AGPS: variants seen among roughly 807,000 people sequenced by gnomAD.
AGPS encodes alkylglycerone phosphate synthase.
AGPS carries 26 observed loss-of-function variants against 90.7 expected under a neutral mutation model. The ratio of observed to expected loss-of-function variants is 0.29; its 90% CI spans 0.21 to 0.40. The LOEUF is 0.40. AGPS is among the 10% of genes least tolerant of loss of function. The pLI is 1.00. For missense variants in AGPS, 540 were observed against 816.1 expected (o/e 0.66, Z 4.12); for synonymous variants, 294 against 285.3 (o/e 1.03, Z -0.31).
chr2:177,523,609 C>T, intron 18 of AGPS, 139 bp from the exon 19 acceptor site: 1 of 732,100 alleles, frequency 1.4e-6, no homozygotes, highest in South Asian at 1.6e-5. Flanking sequence ...ACACATTTGA[C>T]CAAAAGAGAG....
chr2:177,465,876 T>C (rs2084967), intron 9 of AGPS, among the ~76,000 whole-genome samples: 133,056 of 152,324 alleles, frequency 0.87, 58,252 homozygotes, highest in East Asian at 0.98. Context: ...AAACAAGGGG[T>C]GTGTTTCAGC....
At chr2:177,516,178 A>G (rs942456934) in intron 17 of AGPS, among the ~76,000 whole-genome samples, 1 of 152,156 alleles carries the variant, frequency 6.6e-6, no homozygotes, top group African/African-American at 2.4e-5. Context: ...TTATGGATCT[A>G]TTTAAAATCA....
intron 19 of AGPS, among the ~76,000 whole-genome samples, chr2:177,528,849 CTTTTTTTTTTTTT>C (rs71008000): frequency 9.7e-4 from 77 of 79,160 alleles, no homozygotes; most frequent in Non-Finnish European, 1.5e-3. Flanking sequence ...CATATTAATC[CTTTTTTTTTTTTT>C]TTTTTTTTTT....
At chr2:177,435,666 A>G (rs1237205261) in intron 3 of AGPS, among the ~76,000 whole-genome samples, 1 of 152,202 alleles carries the variant, frequency 6.6e-6, no homozygotes, top group Non-Finnish European at 1.5e-5. Flanking sequence ...ATTATGCAGT[A>G]TCTTAATAAG....
intron 17 of AGPS, among the ~76,000 whole-genome samples, chr2:177,517,468 T>G (rs1164631201): frequency 6.6e-6 from 1 of 152,146 alleles, no homozygotes; most frequent in Non-Finnish European, 1.5e-5. Context: ...AGTTTTTAAT[T>G]CTCATATCTC....
At chr2:177,490,742 A>T (rs1252757118) in intron 11 of AGPS, among the ~76,000 whole-genome samples, 1 of 151,574 alleles carries the variant, frequency 6.6e-6, no homozygotes, top group Non-Finnish European at 1.5e-5. Flanking sequence ...TGGTACAGTG[A>T]TCACCTGTCT....
At chr2:177,417,820 A>G (rs1685829097) in intron 1 of AGPS, among the ~76,000 whole-genome samples, 1 of 152,198 alleles carries the variant, frequency 6.6e-6, no homozygotes, top group African/African-American at 2.4e-5. Flanking sequence ...TCTATGTATA[A>G]GAAGTTATTA....
Position 177,434,433 on chromosome 2 carries a change from T to C in AGPS, c.441+16T>C, listed in dbSNP as rs767554611. The C allele has an allele frequency of 6.4e-7, 1 of 1,558,740 alleles. No individual in the cohort carries two copies. Among genetic ancestry groups the C allele is most frequent in the Non-Finnish European group, 8.8e-7 (1 of 1,131,440 alleles). On this transcript the variant is annotated intron_variant, in intron 3 of 19. Coordinates refer to ENST00000264167, the MANE Select transcript of AGPS (RefSeq NM_003659.4). ...TACCTCTAAAGTAAGCAAACAAAAATTATTACTAACTCATTTAACTGTGTT... is the reference window on the plus strand; with the variant it reads ...TACCTCTAAAGTAAGCAAACAAAAACTATTACTAACTCATTTAACTGTGTT...
chr2:177,465,153 G>A (rs1574390419), intron 9 of AGPS, among the ~76,000 whole-genome samples: 1 of 152,076 alleles, frequency 6.6e-6, no homozygotes, highest in Non-Finnish European at 1.5e-5. Flanking sequence ...AATTAGCTGA[G>A]CATGGTAGCA....
chr2:177,416,829 C>G (rs1054144750), intron 1 of AGPS, among the ~76,000 whole-genome samples: 1 of 151,968 alleles, frequency 6.6e-6, no homozygotes, highest in African/African-American at 2.4e-5. Flanking sequence ...GTGCCTGGCC[C>G]GGTCTTGTTT....
chr2:177,434,517 A>G (rs1686340340), intron 3 of AGPS, 100 bp downstream of exon 3: 1 of 915,212 alleles, frequency 1.1e-6, no homozygotes, highest in African/African-American at 1.7e-5. Context: ...ATTTACTGCA[A>G]CTGTCATGTT....
chr2:177,461,642 A>G (rs1203220037), intron 8 of AGPS, among the ~76,000 whole-genome samples: 1 of 152,196 alleles, frequency 6.6e-6, no homozygotes, highest in Non-Finnish European at 1.5e-5. Context: ...TATCTGGTCA[A>G]CCTGTGAAAA....
chr2:177,480,675 A>G (rs2105691835), intron 10 of AGPS, among the ~76,000 whole-genome samples: 1 of 152,284 alleles, frequency 6.6e-6, no homozygotes, highest in Non-Finnish European at 1.5e-5. Context: ...ACGTATACAT[A>G]TATAACAAAC....
intron 15 of AGPS, 137 bp from the exon 16 acceptor site, chr2:177,507,833 A>G: frequency 1.4e-6 from 1 of 713,596 alleles, no homozygotes; most frequent in East Asian, 2.7e-5. Context: ...CAGTGCTCTT[A>G]TGAGGTGGAT....
At chr2:177,393,117 C>T (rs1685069850) in intron 1 of AGPS, 68 bp downstream of exon 1, 3 of 1,549,782 alleles carry the variant, frequency 1.9e-6, no homozygotes, top group Non-Finnish European at 2.6e-6. Flanking sequence ...CAGGAGGGCA[C>T]AGGCGAGGTG....
Position 177,541,192 on chromosome 2 carries a change from G to A in AGPS, c.*2997G>A, listed in dbSNP as rs951869996. On this transcript the variant is annotated 3_prime_UTR_variant, in exon 20 of 20. Coordinates refer to ENST00000264167, the MANE Select transcript of AGPS (RefSeq NM_003659.4). ...TGCAATAAAGGATGAGCTTCCATCG[G>A]TGTGTATGGTATACCAGATACAGAT... The A allele has an allele frequency of 1.3e-5, 2 of 152,074 alleles. No homozygotes were observed. The highest frequency in any genetic ancestry group is 2.9e-5 in the Non-Finnish European group (2 of 67,988). The allele number at this position is 152,074 out of a possible 1,614,324, so 9.4% of individuals were successfully genotyped here.
chr2:177,489,975 T>C (rs145090163), intron 11 of AGPS, among the ~76,000 whole-genome samples: 2,909 of 152,286 alleles, frequency 0.019, 79 homozygotes, highest in Non-Finnish European at 0.024. Flanking sequence ...CATTAGTAAA[T>C]AACATGGGAG....
intron 8 of AGPS, among the ~76,000 whole-genome samples, chr2:177,459,356 A>G (rs1236638501): frequency 6.6e-6 from 1 of 152,238 alleles, no homozygotes; most frequent in Non-Finnish European, 1.5e-5. Flanking sequence ...CTGCACAGCA[A>G]AAGAAACTAT....
In AGPS at chr2:177,542,039, A is replaced by AT. The variant is rs2079241316; in HGVS notation, c.*3845dup. ...TATTAATAAAATGGACCTGGGTCTA[A>AT]TATTTTTTTTCTTCAAAGGGAGTGT... On this transcript the variant is annotated 3_prime_UTR_variant, in exon 20 of 20. Transcript: ENST00000264167. The AT allele has an allele frequency of 2.5e-5, 1 of 40,752 alleles. No individual in the cohort carries two copies. The highest frequency in any genetic ancestry group is 1.1e-3 in the South Asian group (1 of 926). The allele number at this position is 40,752 out of a possible 1,614,324, so 2.5% of individuals were successfully genotyped here.
Sources: gnomAD v4.1 joint callset for allele counts (sites outside exome capture counted in the v4.1 genomes callset) on GRCh38, gnomAD v4.1.1 for gene constraint, MANE v1.5 for transcripts, NCBI Gene and HGNC (gene_info 2026-07-23, HGNC 2026-07-21) for gene names.